Variants in CTSZ observed in about 807,000 individuals in gnomAD.
The protein encoded by CTSZ is cathepsin Z, also known as carboxypeptidase LB.
In CTSZ, 39 loss-of-function variants were observed where a neutral mutation model predicts 32.4. The ratio of observed to expected loss-of-function variants is 1.20; its 90% CI spans 0.93 to 1.57. CTSZ has a LOEUF of 1.57. Ranked by LOEUF, CTSZ falls within the 40% of genes most tolerant of loss-of-function variation. The probability of loss-of-function intolerance (pLI) is 0.00; values close to 1 mark genes in which losing one functional copy is unlikely to be tolerated. For synonymous variants in CTSZ, 168 were observed against 170.1 expected (o/e 0.99, Z 0.10); for missense variants, 397 against 419.6 (o/e 0.95, Z 0.47).
rs2091912716 is a variant in CTSZ, at chr20:59,007,154, G to A, written c.-26C>T. On this transcript the variant is annotated 5_prime_UTR_variant, in exon 1 of 6. Coordinates refer to ENST00000217131, the MANE Select transcript of CTSZ (RefSeq NM_001336.4). Reference sequence around the variant, plus strand: ...GGCCCCGCGCCGGCTCCTGGGTCCCGCTCCGGATCCCGCTCCGAGTCCCAG... The same window carrying A: ...GGCCCCGCGCCGGCTCCTGGGTCCCACTCCGGATCCCGCTCCGAGTCCCAG... 4 of 1,322,672 alleles carry A rather than the reference G, an allele frequency of 3.0e-6. No homozygotes were observed. The highest frequency in any genetic ancestry group is 2.1e-5 in the South Asian group (1 of 48,096). 81.9% of individuals were successfully genotyped at this position (1,322,672 alleles called of 1,614,324 possible).
intron 2 of CTSZ, among the ~76,000 whole-genome samples, chr20:59,005,012 T>G (rs1568684159): frequency 6.6e-6 from 1 of 151,876 alleles, no homozygotes; most frequent in Non-Finnish European, 1.5e-5. Flanking sequence ...GACCTTTCTA[T>G]TCTCCCCTCA....
At position 58,996,718 on chromosome 20, in the gene CTSZ, T is replaced by TG. The variant is rs764036936; in HGVS notation, c.721dup (p.His241ProfsTer12). ...GCCCCACCCAGCCACAGAAACGACA[T>TG]GGTTTATATATGTGGTGTCCTGGTA... On this transcript the variant is annotated frameshift_variant, in exon 5 of 6. Transcript: ENST00000217131. LOFTEE classifies it high-confidence loss of function. 1 of 1,614,030 alleles carries TG rather than the reference T, an allele frequency of 6.2e-7. No homozygotes were observed. Among genetic ancestry groups the TG allele is most frequent in the East Asian group, 2.2e-5 (1 of 44,884 alleles).
At chr20:58,999,852 G>A (rs1456224387) in intron 3 of CTSZ, among the ~76,000 whole-genome samples, 3 of 151,140 alleles carry the variant, frequency 2.0e-5, no homozygotes, top group Non-Finnish European at 4.4e-5. Context: ...GGCATATCAC[G>A]AGGTCAGGAG....
chr20:59,001,152 C>T (rs757606325), intron 3 of CTSZ, among the ~76,000 whole-genome samples: 1 of 152,228 alleles, frequency 6.6e-6, no homozygotes, highest in Admixed American at 6.5e-5. Context: ...TCAGACCGCT[C>T]CTGCAGCAGG....
At chr20:59,001,782 C>T in intron 2 of CTSZ, 138 bp from the exon 3 acceptor site, 1 of 805,074 alleles carries the variant, frequency 1.2e-6, no homozygotes, top group Non-Finnish European at 2.0e-6. Flanking sequence ...CCTGTGTCTC[C>T]TTCTCCCTGC....
Position 59,007,114 on chromosome 20 carries a change from C to T in CTSZ, c.15G>A (p.Gly5=). 2 of 1,400,442 alleles carry T rather than the reference C, an allele frequency of 1.4e-6. No homozygotes were observed. Among genetic ancestry groups the T allele is most frequent in the Middle Eastern group, 2.6e-4 (1 of 3,896 alleles). The allele number at this position is 1,400,442 out of a possible 1,614,324, so 86.8% of individuals were successfully genotyped here. A position where few individuals can be genotyped will look rare whatever the true frequency, so the allele number is the denominator to read the frequency against. Residue 5 remains glycine (G), a synonymous_variant, in exon 1 of 6, where the codon GGG becomes GGA. Transcript: ENST00000217131. MARR[G]PGWRPLLLLV... is the part of the protein sequence containing the mutation. ...GCAGCAGAAGCGGCCGCCACCCTGG[C>T]CCGCGCCTCGCCATGGCCCCGCGCC...
chr20:58,996,635 T>C lies in CTSZ; in HGVS notation c.801+4A>G, dbSNP rs1329356593. ...ATGACCTTAAGAAAATGAAAACATC[T>C]TACCCATGGTTCACCCCATGAATTC... On this transcript the variant is annotated splice_donor_region_variant and intron_variant, in intron 5 of 5. Transcript: ENST00000217131. 4 of 1,613,250 alleles carry C rather than the reference T, an allele frequency of 2.5e-6. No individual in the cohort carries two copies. Among genetic ancestry groups the C allele is most frequent in the Non-Finnish European group, 2.5e-6 (3 of 1,179,574 alleles).
chr20:58,995,496 G>A lies in CTSZ; in HGVS notation c.*153C>T, dbSNP rs1043862133. 10 of 627,186 alleles carry A rather than the reference G, an allele frequency of 1.6e-5. No homozygotes were observed. Among genetic ancestry groups the A allele is most frequent in the African/African-American group, 1.1e-4 (6 of 54,400 alleles). 38.9% of individuals were successfully genotyped at this position (627,186 alleles called of 1,614,324 possible). ...AAGTCATCCCACTTTCAACTCTCAG[G>A]AACACTCGCAGCCAGTGCCACGCTG... On this transcript the variant is annotated 3_prime_UTR_variant, in exon 6 of 6. Transcript: ENST00000217131.
chr20:59,000,074 A>G (rs2091882233), intron 3 of CTSZ, among the ~76,000 whole-genome samples: 1 of 91,190 alleles, frequency 1.1e-5, no homozygotes, highest in African/African-American at 3.6e-5. Flanking sequence ...GTCTCAAAAA[A>G]AAAAAACAAA....
rs2091893609 is a variant in CTSZ, at chr20:59,002,479, A to C, written c.308-835T>G. On this transcript the variant is annotated intron_variant, in intron 2 of 5. Coordinates refer to ENST00000217131, the MANE Select transcript of CTSZ (RefSeq NM_001336.4). The surrounding 1 kb of genome is among the most constrained non-coding windows in gnomAD (Gnocchi z 4.1). Reference sequence around the variant, plus strand: ...AAGTCGGAACTCTTCCTGCAGCCTCACCTGTCCCTCCCCCAGGGCACAATG... The same window carrying C: ...AAGTCGGAACTCTTCCTGCAGCCTCCCCTGTCCCTCCCCCAGGGCACAATG... Among the ~76,000 whole-genome samples, 2 of 151,600 alleles carry C rather than the reference A, an allele frequency of 1.3e-5. No homozygotes were observed. Among genetic ancestry groups the C allele is most frequent in the African/African-American group, 2.4e-5 (1 of 41,218 alleles).
intron 3 of CTSZ, among the ~76,000 whole-genome samples, chr20:58,998,227 T>A (rs945877380): frequency 8.5e-5 from 13 of 152,054 alleles, no homozygotes; most frequent in African/African-American, 3.1e-4. Context: ...TTATTTCGAC[T>A]TAAGAGGTTA....
Position 59,004,241 on chromosome 20 carries a change from C to T in CTSZ, c.307+2081G>A, listed in dbSNP as rs188512753. Reference sequence around the variant, plus strand: ...GGTGTCAGGTGACCGGGACAGCGGGCGAGTGGGCAGGTGGATGTCAAGCTG... The same window carrying T: ...GGTGTCAGGTGACCGGGACAGCGGGTGAGTGGGCAGGTGGATGTCAAGCTG... On this transcript the variant is annotated intron_variant, in intron 2 of 5. Transcript: ENST00000217131. This position sits in a 1 kb window ranked among gnomAD's most constrained non-coding sequence, Gnocchi z 5.6. Among the ~76,000 whole-genome samples, 150 of 151,928 alleles carry T rather than the reference C, an allele frequency of 9.9e-4. 1 individual carries two copies. The highest frequency in any genetic ancestry group is 9.7e-3 in the East Asian group (50 of 5,162).
intron 3 of CTSZ, among the ~76,000 whole-genome samples, chr20:58,999,431 T>C (rs1048632350): frequency 6.6e-6 from 1 of 152,138 alleles, no homozygotes; most frequent in African/African-American, 2.4e-5. Flanking sequence ...CACTTTGGCG[T>C]GGAGTGGGCG....
chr20:59,000,963 G>C (rs1201433937), intron 3 of CTSZ, among the ~76,000 whole-genome samples: 1 of 151,788 alleles, frequency 6.6e-6, no homozygotes, highest in East Asian at 1.9e-4. Context: ...CGAGTACCTG[G>C]GATTACAGGT....
At position 58,995,513 on chromosome 20, in the gene CTSZ, G is replaced by A. The variant is rs13720; in HGVS notation, c.*136C>T. The A allele has an allele frequency of 0.82, 573,624 of 703,528 alleles. 234,419 individuals are homozygous for A. Among genetic ancestry groups the A allele is most frequent in the East Asian group, 0.87 (32,361 of 37,050 alleles). 43.6% of individuals were successfully genotyped at this position (703,528 alleles called of 1,614,324 possible). ...ACTCTCAGGAACACTCGCAGCCAGT[G>A]CCACGCTGTCCTCGCCATCCAATAT... is the stretch of plus-strand genomic sequence containing the variant. On this transcript the variant is annotated 3_prime_UTR_variant, in exon 6 of 6. Coordinates refer to ENST00000217131, the MANE Select transcript of CTSZ (RefSeq NM_001336.4).
chr20:59,001,412 G>C (rs1293895720), intron 3 of CTSZ, 53 bp downstream of exon 3: 1 of 1,552,598 alleles, frequency 6.4e-7, no homozygotes, highest in African/African-American at 1.4e-5. Context: ...AAGGCCTGTG[G>C]AAGAGGGAGT....
At chr20:59,005,962 T>A (rs2091907312) in intron 2 of CTSZ, 1 of 262,992 alleles carries the variant, frequency 3.8e-6, no homozygotes, top group African/African-American at 2.2e-5. Flanking sequence ...CTTTCATCTG[T>A]GCTGAGAAGC....
At chr20:58,996,544 A>C in intron 5 of CTSZ, 95 bp downstream of exon 5, 2 of 1,366,456 alleles carry the variant, frequency 1.5e-6, no homozygotes, top group Middle Eastern at 1.8e-4. Flanking sequence ...TCAAGGCCCC[A>C]GTTTTTAGCT....
intron 4 of CTSZ, chr20:58,997,314 T>C: frequency 3.4e-6 from 1 of 294,658 alleles, no homozygotes. Flanking sequence ...TTGGAGCGTC[T>C]CATCCGCATT....
Sources: gnomAD v4.1 joint callset for allele counts (sites outside exome capture counted in the v4.1 genomes callset) on GRCh38, gnomAD v4.1.1 for gene constraint, Gnocchi (gnomAD v3.1) non-coding constraint, MANE v1.5 for transcripts, NCBI Gene and HGNC (gene_info 2026-07-23, HGNC 2026-07-21) for gene names.